The following TMEM135 variants were observed in gnomAD, a reference collection of about 807,000 sequenced individuals.
The protein encoded by TMEM135 is transmembrane protein 135.
In TMEM135, 30 loss-of-function variants were observed where a neutral mutation model predicts 60.3. That is an observed-to-expected ratio of 0.50 (90% CI 0.37 to 0.68). TMEM135 has a LOEUF of 0.68. TMEM135 is among the 30% of genes least tolerant of loss of function. TMEM135 has a pLI of 0.00. For synonymous variants in TMEM135, 190 were observed against 186.7 expected, an observed-to-expected ratio of 1.02 and a Z score of -0.14; for missense variants, 468 against 548.8, an observed-to-expected ratio of 0.85 and a Z score of 1.47.
At chr11:87,268,313 C>G (rs1941794652) in intron 6 of TMEM135, among the ~76,000 whole-genome samples, 1 of 149,212 alleles carries the variant, frequency 6.7e-6, no homozygotes, top group South Asian at 2.1e-4. Flanking sequence ...ACGGGGTCTC[C>G]CTATGTTTTC....
intron 6 of TMEM135, among the ~76,000 whole-genome samples, chr11:87,283,982 A>C (rs1942116625): frequency 6.6e-6 from 1 of 152,204 alleles, no homozygotes; most frequent in South Asian, 2.1e-4. Flanking sequence ...GTTTGTCTTG[A>C]GGTCTTTAAA....
chr11:87,267,530 C>T (rs867549416), intron 6 of TMEM135, among the ~76,000 whole-genome samples: 3 of 152,124 alleles, frequency 2.0e-5, no homozygotes, highest in Middle Eastern at 6.8e-3. Context: ...TTTTTGTCCA[C>T]GGAAGTTAAT....
intron 6 of TMEM135, among the ~76,000 whole-genome samples, chr11:87,260,541 G>A (rs1421970063): frequency 6.6e-6 from 1 of 150,840 alleles, no homozygotes; most frequent in East Asian, 1.9e-4. Flanking sequence ...ATTTTTTTTT[G>A]GATTTGTATT....
chr11:87,085,842 G>T (rs181591897), intron 3 of TMEM135, among the ~76,000 whole-genome samples: 1 of 152,288 alleles, frequency 6.6e-6, no homozygotes, highest in African/African-American at 2.4e-5. Flanking sequence ...CCTGAAACTG[G>T]AGTCAGATGA....
chr11:87,052,958 T>C (rs1175920063), intron 1 of TMEM135, among the ~76,000 whole-genome samples: 3 of 102,610 alleles, frequency 2.9e-5, no homozygotes, highest in South Asian at 8.8e-4. Flanking sequence ...ATGTGGCACA[T>C]ATACACCATG....
At chr11:87,153,020 G>A (rs574219103) in intron 4 of TMEM135, among the ~76,000 whole-genome samples, 4 of 151,932 alleles carry the variant, frequency 2.6e-5, no homozygotes, top group Non-Finnish European at 4.4e-5. Context: ...TCCACCTCTT[G>A]TACCCTTGGA....
chr11:87,289,437 C>CTTTTTTTT lies in TMEM135; in HGVS notation c.510-6323_510-6316dup, dbSNP rs376999371. Among the ~76,000 whole-genome samples the CTTTTTTTT allele has an allele frequency of 4.1e-4, 36 of 87,552 alleles. 1 individual carries two copies. The East Asian group carries it at 4.5e-3, about 11-fold the overall frequency. The allele number at this position is 87,552 out of a possible 152,430, so 57.4% of individuals were successfully genotyped here. On this transcript the variant is annotated intron_variant, in intron 6 of 14. Transcript: ENST00000305494. The stretch of plus-strand genomic sequence containing the variant: ...TATCCTTTAACAAATATCTCCATAT[C>CTTTTTTTT]TTTTTTTTTTTTTTTTTTTTTTTTT...
At chr11:87,213,617 T>C (rs56356394) in intron 5 of TMEM135, among the ~76,000 whole-genome samples, 9 of 152,296 alleles carry the variant, frequency 5.9e-5, no homozygotes, top group African/African-American at 1.9e-4. Context: ...TCCATATTAG[T>C]AGGTAGTTTC....
chr11:87,120,073 T>C (rs561787811), intron 4 of TMEM135, among the ~76,000 whole-genome samples: 1 of 151,818 alleles, frequency 6.6e-6, no homozygotes, highest in Admixed American at 6.6e-5. Flanking sequence ...AAGGGTTTCA[T>C]GTTATATAAA....
At chr11:87,246,622 C>G (rs970238793) in intron 6 of TMEM135, among the ~76,000 whole-genome samples, 1 of 151,120 alleles carries the variant, frequency 6.6e-6, no homozygotes, top group African/African-American at 2.4e-5. Flanking sequence ...TCACTGATAC[C>G]CTTTTTTCCA....
intron 5 of TMEM135, among the ~76,000 whole-genome samples, chr11:87,212,187 T>C (rs1282330158): frequency 6.6e-6 from 1 of 152,186 alleles, no homozygotes; most frequent in Admixed American, 6.5e-5. Flanking sequence ...AAAAGTTTTG[T>C]TTTTGAATTA....
intron 1 of TMEM135, among the ~76,000 whole-genome samples, chr11:87,053,321 T>A (rs1418492869): frequency 3.9e-5 from 6 of 152,158 alleles, no homozygotes; most frequent in Non-Finnish European, 7.3e-5. Flanking sequence ...ATACTTTTTT[T>A]ATTGATTATG....
chr11:87,318,246 C>T lies in TMEM135; in HGVS notation c.1176+11C>T. The T allele has an allele frequency of 1.9e-6, 3 of 1,578,138 alleles. No homozygotes were observed. The highest frequency in any genetic ancestry group is 2.6e-6 in the Non-Finnish European group (3 of 1,150,068). On this transcript the variant is annotated intron_variant, in intron 13 of 14. Transcript: ENST00000305494. ...ATTTGCTTCCAGGCAGTAAGTATAA[C>T]TTTTTGAAATGAGAAATTGAATGAT...
At chr11:87,108,206 G>C (rs1045744530) in intron 4 of TMEM135, among the ~76,000 whole-genome samples, 1 of 152,152 alleles carries the variant, frequency 6.6e-6, no homozygotes, top group Non-Finnish European at 1.5e-5. Context: ...CTCCCATTCT[G>C]TAGGTTGCCT....
chr11:87,172,539 T>C (rs1169399005), intron 5 of TMEM135, among the ~76,000 whole-genome samples: 1 of 151,982 alleles, frequency 6.6e-6, no homozygotes, highest in African/African-American at 2.4e-5. Context: ...ATAAGTAATA[T>C]AGAATATTTA....
At chr11:87,108,319 A>G (rs1030579618) in intron 4 of TMEM135, among the ~76,000 whole-genome samples, 2 of 152,112 alleles carry the variant, frequency 1.3e-5, no homozygotes, top group Admixed American at 1.3e-4. Flanking sequence ...TTGGTGTTTT[A>G]GACATGAAGT....
intron 5 of TMEM135, among the ~76,000 whole-genome samples, chr11:87,183,765 G>T (rs1939580341): frequency 6.6e-6 from 1 of 151,894 alleles, no homozygotes; most frequent in African/African-American, 2.4e-5. Context: ...AGACCAGCCT[G>T]GCTAACACGG....
chr11:87,323,911 A>G lies in TMEM135; in HGVS notation c.*2578A>G. On this transcript the variant is annotated 3_prime_UTR_variant, in exon 15 of 15. Coordinates refer to ENST00000305494, the MANE Select transcript of TMEM135 (RefSeq NM_022918.4). ...TTCTGTAACTTTTTTCTTGAACTAT[A>G]AGCATAGTCATCACTCAGTTGATAT... is the stretch of plus-strand genomic sequence containing the variant. 4.4e-6 allele frequency: 2 copies of G among 453,512 alleles called. No homozygotes were observed. The highest frequency in any genetic ancestry group is 8.8e-6 in the Non-Finnish European group (2 of 226,702). 28.1% of individuals were successfully genotyped at this position (453,512 alleles called of 1,614,324 possible).
At chr11:87,261,816 G>C (rs1188966066) in intron 6 of TMEM135, among the ~76,000 whole-genome samples, 1 of 152,034 alleles carries the variant, frequency 6.6e-6, no homozygotes, top group Non-Finnish European at 1.5e-5. Flanking sequence ...TTAGAGGCGG[G>C]ATCCCCTTAC....
Sources: allele counts gnomAD v4.1 joint callset (sites outside exome capture counted in the v4.1 genomes callset), GRCh38; gene constraint gnomAD v4.1.1; transcripts MANE v1.5; gene names NCBI Gene and HGNC (gene_info 2026-07-23, HGNC 2026-07-21).